Variants in STMN2 observed in about 807,000 individuals in gnomAD.
The protein encoded by STMN2 is stathmin-2.
STMN2 carries 2 observed loss-of-function variants against 24.1 expected under a neutral mutation model. That is an observed-to-expected ratio of 0.08 (90% CI 0.03 to 0.26). STMN2 has a LOEUF of 0.26. Among genes scored for constraint, STMN2 ranks in the 10% least tolerant of loss-of-function variants. STMN2 has a pLI of 1.00. For missense variants in STMN2, 114 were observed against 213.6 expected, an observed-to-expected ratio of 0.53 and a Z score of 2.91; for synonymous variants, 83 against 77.5, an observed-to-expected ratio of 1.07 and a Z score of -0.37.
chr8:79,660,649 T>C (rs187656443), intron 4 of STMN2, among the ~76,000 whole-genome samples: 1 of 152,302 alleles, frequency 6.6e-6, no homozygotes, highest in African/African-American at 2.4e-5. Context: ...TGATAATATG[T>C]ACCTGTTTTG....
chr8:79,664,125 T>C (rs1470191261), intron 4 of STMN2, among the ~76,000 whole-genome samples: 1 of 152,154 alleles, frequency 6.6e-6, no homozygotes, highest in Non-Finnish European at 1.5e-5. Flanking sequence ...GGTGTTCAAA[T>C]GGAAAGTGAG....
At position 79,633,957 on chromosome 8, in the gene STMN2, T is replaced by C. The variant is rs529759587; in HGVS notation, c.20-2845T>C. 3.3e-5 allele frequency among the ~76,000 whole-genome samples: 5 copies of C among 151,948 alleles called. No homozygotes were observed. The South Asian group carries it at 1.0e-3, about 32-fold the overall frequency. On this transcript the variant is annotated intron_variant, in intron 1 of 4. Transcript: ENST00000220876. ...TTTCCTAAGGACAGATATTGAGGAG[T>C]TTTTTCTTCACTAAAAATTCACGTT... is the stretch of plus-strand genomic sequence containing the variant.
intron 4 of STMN2, among the ~76,000 whole-genome samples, chr8:79,663,163 T>A (rs1806535091): frequency 6.6e-6 from 1 of 152,166 alleles, no homozygotes; most frequent in Non-Finnish European, 1.5e-5. Flanking sequence ...GAAGGAAGTA[T>A]AGGGTGGTCT....
chr8:79,652,640 TG>T (rs1810358334), intron 3 of STMN2, among the ~76,000 whole-genome samples: 1 of 152,114 alleles, frequency 6.6e-6, no homozygotes, highest in Non-Finnish European at 1.5e-5. Flanking sequence ...TCTTAAATTT[TG>T]CTTTTGATAA....
intron 2 of STMN2, among the ~76,000 whole-genome samples, chr8:79,637,676 C>T (rs987561441): frequency 1.3e-5 from 2 of 152,120 alleles, no homozygotes; most frequent in Admixed American, 1.3e-4. Flanking sequence ...ACAATGATAG[C>T]TATCATTATC....
In STMN2 at chr8:79,623,891, A is replaced by T. The variant is rs562401492; in HGVS notation, c.19+12677A>T. On this transcript the variant is annotated intron_variant, in intron 1 of 4. Coordinates refer to ENST00000220876, the MANE Select transcript of STMN2 (RefSeq NM_007029.4). ...AACTGACTTGGTTGATGATTTTTTT[A>T]AAAAAGGTTTTGTGTCTTCTGACTT... Among the ~76,000 whole-genome samples, 6 of 152,320 alleles carry T rather than the reference A, an allele frequency of 3.9e-5. No individual in the cohort carries two copies. In the South Asian group the frequency reaches 1.0e-3, roughly 26 times the overall value.
chr8:79,659,404 G>A (rs1806450156), intron 4 of STMN2, among the ~76,000 whole-genome samples: 1 of 152,110 alleles, frequency 6.6e-6, no homozygotes, highest in South Asian at 2.1e-4. Flanking sequence ...ATGAGAGAAA[G>A]GAAAGAGAGG....
At chr8:79,630,669 C>G (rs1191389187) in intron 1 of STMN2, among the ~76,000 whole-genome samples, 1 of 152,188 alleles carries the variant, frequency 6.6e-6, no homozygotes, top group Non-Finnish European at 1.5e-5. Flanking sequence ...TTGAGCCATT[C>G]TGGAGAAGCA....
At chr8:79,649,267 G>A (rs919973317) in intron 3 of STMN2, among the ~76,000 whole-genome samples, 5 of 151,782 alleles carry the variant, frequency 3.3e-5, no homozygotes, top group East Asian at 1.9e-4. Context: ...AATATGGCAC[G>A]TGGGCCACAG....
At chr8:79,662,432 C>T (rs751547316) in intron 4 of STMN2, among the ~76,000 whole-genome samples, 2 of 152,016 alleles carry the variant, frequency 1.3e-5, no homozygotes, top group Non-Finnish European at 2.9e-5. Context: ...TAATTGCAAA[C>T]AGTGAGCTGA....
At chr8:79,654,178 G>T (rs1220852426) in intron 3 of STMN2, among the ~76,000 whole-genome samples, 1 of 152,184 alleles carries the variant, frequency 6.6e-6, no homozygotes, top group Non-Finnish European at 1.5e-5. Flanking sequence ...GATGCTGGAA[G>T]AAAATTACAG....
intron 3 of STMN2, among the ~76,000 whole-genome samples, chr8:79,650,741 G>T (rs1037594791): frequency 6.6e-6 from 1 of 152,082 alleles, no homozygotes; most frequent in Non-Finnish European, 1.5e-5. Context: ...TGAGGTAGAT[G>T]CCCCCCTGGT....
intron 1 of STMN2, among the ~76,000 whole-genome samples, chr8:79,629,949 G>A (rs974744269): frequency 3.3e-5 from 5 of 152,104 alleles, no homozygotes; most frequent in African/African-American, 4.8e-5. Flanking sequence ...ACCAGCCTAC[G>A]GAAGTAGAGG....
In STMN2 at chr8:79,664,321, G is replaced by T. The variant is rs534676482; in HGVS notation, c.481-494G>T. 1.4e-4 allele frequency among the ~76,000 whole-genome samples: 21 copies of T among 152,304 alleles called. 1 individual carries two copies. In the East Asian group the frequency reaches 3.9e-3, roughly 28 times the overall value. ...CAAGTGTGTGTAGGAAAAGATGGGG[G>T]TTATGACTGGAAACGTCACTTGGAC... On this transcript the variant is annotated intron_variant, in intron 4 of 4. Coordinates refer to ENST00000220876, the MANE Select transcript of STMN2 (RefSeq NM_007029.4).
chr8:79,624,613 A>G (rs2130315105), intron 1 of STMN2, among the ~76,000 whole-genome samples: 1 of 152,322 alleles, frequency 6.6e-6, no homozygotes, highest in East Asian at 1.9e-4. Context: ...ACAAATAGCA[A>G]AGAGTCATGA....
chr8:79,637,527 A>G (rs1023790117), intron 2 of STMN2, among the ~76,000 whole-genome samples: 1 of 152,194 alleles, frequency 6.6e-6, no homozygotes, highest in Admixed American at 6.5e-5. Flanking sequence ...CACAATCCAC[A>G]TGATCTTGGT....
At chr8:79,622,086 C>T (rs867861743) in intron 1 of STMN2, among the ~76,000 whole-genome samples, 9 of 152,294 alleles carry the variant, frequency 5.9e-5, no homozygotes, top group Middle Eastern at 3.4e-3. Context: ...GTTCCTGTTA[C>T]AGGTAAGAGA....
At chr8:79,612,980 G>C (rs1585867913) in intron 1 of STMN2, among the ~76,000 whole-genome samples, 1 of 152,086 alleles carries the variant, frequency 6.6e-6, no homozygotes, top group East Asian at 1.9e-4. Context: ...CCAGCCAAGC[G>C]GGTGGCTCTG....
Position 79,620,868 on chromosome 8 carries a change from G to A in STMN2, c.19+9654G>A, listed in dbSNP as rs531322401. 9.6e-6 allele frequency: 6 copies of A among 621,926 alleles called. No individual in the cohort carries two copies. The African/African-American group carries it at 1.2e-4, about 12-fold the overall frequency. 38.5% of individuals were successfully genotyped at this position (621,926 alleles called of 1,614,324 possible). On this transcript the variant is annotated intron_variant, in intron 1 of 4. Transcript: ENST00000220876. ...CAGAGGTTCTCACTCTATTAGGTCT[G>A]AAGCAGGTCCCATGGATTTGCATTT...
Sources: gnomAD v4.1 joint callset for allele counts (sites outside exome capture counted in the v4.1 genomes callset) on GRCh38, gnomAD v4.1.1 for gene constraint, MANE v1.5 for transcripts, NCBI Gene and HGNC (gene_info 2026-07-23, HGNC 2026-07-21) for gene names.